The following PDSS1 variants were observed in gnomAD, a reference collection of about 807,000 sequenced individuals.
PDSS1 encodes decaprenyl diphosphate synthase subunit 1, also known as all trans-polyprenyl-diphosphate synthase PDSS1.
Under a neutral mutation model 57.5 loss-of-function variants are expected in PDSS1, and 43 were observed. The ratio of observed to expected loss-of-function variants is 0.75; its 90% CI spans 0.59 to 0.96. The LOEUF (loss-of-function observed/expected upper bound fraction) is 0.96, where lower values mean the gene tolerates loss of function less well. PDSS1 is among the 50% of genes least tolerant of loss of function. The pLI is 0.00. For synonymous variants in PDSS1, 175 were observed against 191.3 expected, an observed-to-expected ratio of 0.91 and a Z score of 0.70; for missense variants, 438 against 527.8, an observed-to-expected ratio of 0.83 and a Z score of 1.67.
chr10:26,729,620 T>A (rs1196148007), intron 8 of PDSS1, among the ~76,000 whole-genome samples: 1 of 152,210 alleles, frequency 6.6e-6, no homozygotes, highest in East Asian at 1.9e-4. Flanking sequence ...CATATCTCTG[T>A]GAAAAACAAA....
At chr10:26,724,897 A>G (rs1436960010) in intron 8 of PDSS1, among the ~76,000 whole-genome samples, 1 of 152,170 alleles carries the variant, frequency 6.6e-6, no homozygotes, top group Non-Finnish European at 1.5e-5. Context: ...CACCTGGCCA[A>G]TCCTTCTAAT....
chr10:26,726,539 T>C (rs1235954954), intron 8 of PDSS1, among the ~76,000 whole-genome samples: 3 of 152,108 alleles, frequency 2.0e-5, no homozygotes, highest in African/African-American at 4.8e-5. Flanking sequence ...CAAAGCAAAT[T>C]AGACACACCA....
chr10:26,725,928 T>TA (rs888800793), intron 8 of PDSS1, among the ~76,000 whole-genome samples: 1 of 152,066 alleles, frequency 6.6e-6, no homozygotes, highest in Admixed American at 6.6e-5. Flanking sequence ...AAATAATGTT[T>TA]AAAAAATAAA....
At chr10:26,697,970 G>T (rs1036366532) in intron 1 of PDSS1, 130 bp downstream of exon 1, 10 of 871,476 alleles carry the variant, frequency 1.1e-5, no homozygotes, top group Non-Finnish European at 1.5e-5. Flanking sequence ...CTCCGGGGTA[G>T]CTCCGGGGTG....
intron 2 of PDSS1, among the ~76,000 whole-genome samples, chr10:26,703,240 C>G (rs138187402): frequency 1.1e-4 from 16 of 152,190 alleles, no homozygotes; most frequent in African/African-American, 3.9e-4. Context: ...AAAAAGCGTC[C>G]CCTGTATTAA....
At chr10:26,730,440 G>T (rs114318751) in intron 8 of PDSS1, among the ~76,000 whole-genome samples, 1 of 151,054 alleles carries the variant, frequency 6.6e-6, no homozygotes, top group African/African-American at 2.4e-5. Flanking sequence ...CGAAACCTCT[G>T]TCTACAAGGA....
intron 10 of PDSS1, among the ~76,000 whole-genome samples, chr10:26,741,645 T>C (rs946805225): frequency 1.3e-5 from 2 of 152,148 alleles, no homozygotes; most frequent in Non-Finnish European, 2.9e-5. Context: ...TAGCTTTCAG[T>C]TGGTAATCAA....
intron 1 of PDSS1, 134 bp downstream of exon 1, chr10:26,697,974 C>T: frequency 1.2e-6 from 1 of 805,270 alleles, no homozygotes; most frequent in South Asian, 6.0e-5. Flanking sequence ...GGGGTAGCTC[C>T]GGGGTGGGAC....
At position 26,745,719 on chromosome 10, in the gene PDSS1, C is replaced by T. The variant is rs575226942; in HGVS notation, c.1108-614C>T. ...AAAATTAGCCGGGCATGGTGGCACGCGCCTGTAGTCCCAGCTACTTGGGAG... is the reference window on the plus strand; with the variant it reads ...AAAATTAGCCGGGCATGGTGGCACGTGCCTGTAGTCCCAGCTACTTGGGAG... On this transcript the variant is annotated intron_variant, in intron 11 of 11. Transcript: ENST00000376215. Among the ~76,000 whole-genome samples the T allele has an allele frequency of 1.1e-4, 17 of 152,014 alleles. No homozygotes were observed. The Middle Eastern group carries it at 0.01, about 91-fold the overall frequency.
intron 5 of PDSS1, among the ~76,000 whole-genome samples, chr10:26,718,421 A>G (rs1835670538): frequency 6.6e-6 from 1 of 152,010 alleles, no homozygotes; most frequent in Admixed American, 6.6e-5. Flanking sequence ...CCCTTAGAAG[A>G]ATTTGTTGTG....
Position 26,720,286 on chromosome 10 carries a change from A to G in PDSS1, c.536A>G (p.His179Arg), listed in dbSNP as rs1245333571. 4 of 1,614,122 alleles carry G rather than the reference A, an allele frequency of 2.5e-6. No homozygotes were observed. The highest frequency in any genetic ancestry group is 2.2e-5 in the East Asian group (1 of 44,886). ...ATGATCCACACTGCTAGTCTGGTTC[A>G]CGATGACGTTATTGACGATGCAAGT... is the stretch of plus-strand genomic sequence containing the variant. ...AEMIHTASLV[H>R]DDVIDDASSR... The change falls in exon 6 of 12, where the codon CAC becomes CGC. Residue 179 changes from histidine (H) to arginine (R), a missense_variant. Transcript: ENST00000376215.
intron 6 of PDSS1, 120 bp from the exon 7 acceptor site, chr10:26,723,686 A>C (rs1588690586): frequency 2.6e-6 from 2 of 771,724 alleles, no homozygotes; most frequent in Non-Finnish European, 4.7e-6. Context: ...AAGGTAAAAA[A>C]CCCTGCATCC....
At chr10:26,721,774 C>T (rs972885075) in intron 6 of PDSS1, among the ~76,000 whole-genome samples, 4 of 152,210 alleles carry the variant, frequency 2.6e-5, no homozygotes, top group Non-Finnish European at 4.4e-5. Context: ...TGATGGTCTC[C>T]GCCTTGGCTA....
intron 2 of PDSS1, among the ~76,000 whole-genome samples, chr10:26,702,724 C>G (rs1835087861): frequency 6.6e-6 from 1 of 152,142 alleles, no homozygotes; most frequent in African/African-American, 2.4e-5. Context: ...GTGGCATGTT[C>G]CTGTAGTCCC....
Position 26,724,137 on chromosome 10 carries a change from G to T in PDSS1, c.831+14G>T. 6.4e-7 allele frequency: 1 copy of T among 1,550,966 alleles called. No homozygotes were observed. The highest frequency in any genetic ancestry group is 8.9e-7 in the Non-Finnish European group (1 of 1,122,334). ...AGTTGTAAAGCAGTATGTACGTTCT[G>T]TCTTTCTTCAAGTTAAAGCCTCATA... On this transcript the variant is annotated intron_variant, in intron 8 of 11. Transcript: ENST00000376215.
At position 26,720,221 on chromosome 10, in the gene PDSS1, T is replaced by C. The variant is rs745689033; in HGVS notation, c.471T>C (p.His157=). 1.9e-6 allele frequency: 3 copies of C among 1,612,856 alleles called. No individual in the cohort carries two copies. Among genetic ancestry groups the C allele is most frequent in the East Asian group, 2.2e-5 (1 of 44,888 alleles). The change falls in exon 6 of 12, where the codon CAT becomes CAC. Residue 157 remains histidine, a synonymous_variant. Transcript: ENST00000376215. ...ACNIHHNNSR[H]VQASQRAIAL... The stretch of plus-strand genomic sequence containing the variant: ...AGCATTGCTTTCTGTTAATTAGACA[T>C]GTGCAAGCCAGCCAGCGCGCCATAG...
chr10:26,699,390 T>C (rs1369319336), intron 1 of PDSS1, among the ~76,000 whole-genome samples: 1 of 133,962 alleles, frequency 7.5e-6, no homozygotes, highest in Admixed American at 7.4e-5. Context: ...TGCTTCTTCT[T>C]CTTCTTCTTT....
intron 8 of PDSS1, chr10:26,734,749 G>T: frequency 2.2e-6 from 1 of 456,372 alleles, no homozygotes; most frequent in South Asian, 1.5e-5. Context: ...ATGATGAAAA[G>T]AAAGGACTAC....
At chr10:26,732,524 T>A (rs879100006) in intron 8 of PDSS1, among the ~76,000 whole-genome samples, 9,583 of 152,202 alleles carry the variant, frequency 0.063, 816 homozygotes, top group African/African-American at 0.19. Context: ...ACTCCTGTGT[T>A]GAAGTGATGA....
Sources: gnomAD v4.1 joint callset for allele counts (sites outside exome capture counted in the v4.1 genomes callset) on GRCh38, gnomAD v4.1.1 for gene constraint, MANE v1.5 for transcripts, NCBI Gene and HGNC (gene_info 2026-07-23, HGNC 2026-07-21) for gene names.